MCC: variants seen among roughly 807,000 people sequenced by gnomAD.
MCC encodes colorectal mutant cancer protein.
MCC carries 90 observed loss-of-function variants against 116.2 expected under a neutral mutation model. The ratio of observed to expected loss-of-function variants is 0.77; its 90% confidence interval spans 0.65 to 0.92. The LOEUF (loss-of-function observed/expected upper bound fraction) is 0.92. MCC is among the 40% of genes least tolerant of loss of function. The pLI, the probability that MCC is intolerant of heterozygous loss-of-function variation, is 0.00. For missense variants in MCC, 1,516 were observed against 1,312.2 expected, an observed-to-expected ratio of 1.16 and a Z score of -2.40; for synonymous variants, 578 against 510.5, an observed-to-expected ratio of 1.13 and a Z score of -1.78.
chr5:113,231,452 A>G (rs1007258046), intron 3 of MCC, among the ~76,000 whole-genome samples: 2 of 152,194 alleles, frequency 1.3e-5, no homozygotes, highest in African/African-American at 4.8e-5. Flanking sequence ...CCAAGTTACA[A>G]TGAAAGAGAC....
intron 3 of MCC, among the ~76,000 whole-genome samples, chr5:113,173,857 A>T (rs1236066366): frequency 6.6e-6 from 1 of 152,202 alleles, no homozygotes; most frequent in Non-Finnish European, 1.5e-5. Context: ...CCCTGAATGC[A>T]CTTGGTGTGT....
chr5:113,191,422 T>C (rs113019785), intron 3 of MCC, among the ~76,000 whole-genome samples: 1 of 152,164 alleles, frequency 6.6e-6, no homozygotes, highest in Admixed American at 6.5e-5. Context: ...GTGGGGAAAC[T>C]GGCCCTGGAG....
At chr5:113,476,009 T>C (rs1274373241) in intron 1 of MCC, among the ~76,000 whole-genome samples, 1 of 152,204 alleles carries the variant, frequency 6.6e-6, no homozygotes, top group Non-Finnish European at 1.5e-5. Flanking sequence ...ATTATTACTT[T>C]AGACTTCCAC....
intron 11 of MCC, among the ~76,000 whole-genome samples, chr5:113,076,595 C>T (rs1391032550): frequency 1.3e-5 from 2 of 152,190 alleles, no homozygotes; most frequent in African/African-American, 2.4e-5. Flanking sequence ...AAATCCTTTA[C>T]AGACGAACAA....
chr5:113,043,846 C>T (rs976534697), intron 16 of MCC, among the ~76,000 whole-genome samples: 5 of 152,366 alleles, frequency 3.3e-5, no homozygotes, highest in East Asian at 1.9e-4. Context: ...CTGGCCAGTG[C>T]GGTGGGGATG....
chr5:113,232,214 G>T (rs992157585), intron 3 of MCC, among the ~76,000 whole-genome samples: 1 of 152,170 alleles, frequency 6.6e-6, no homozygotes, highest in Non-Finnish European at 1.5e-5. Context: ...CATCCACAGT[G>T]AAGTAGGAAA....
intron 1 of MCC, among the ~76,000 whole-genome samples, chr5:113,399,490 A>C (rs1039966151): frequency 1.3e-5 from 2 of 152,146 alleles, no homozygotes; most frequent in Non-Finnish European, 2.9e-5. Context: ...GTCTCAAAAA[A>C]ATAAATAAAT....
At chr5:113,049,345 G>A in intron 15 of MCC, 46 bp from the exon 16 acceptor site, 1 of 1,476,488 alleles carries the variant, frequency 6.8e-7, no homozygotes, top group Non-Finnish European at 9.1e-7. Context: ...CCCTATCTGA[G>A]AGCAGGCCTG....
chr5:113,252,403 G>C (rs1764836942), intron 3 of MCC, among the ~76,000 whole-genome samples: 1 of 152,116 alleles, frequency 6.6e-6, no homozygotes, highest in African/African-American at 2.4e-5. Flanking sequence ...ATCTTCATTA[G>C]AGCATGAACT....
In MCC at chr5:113,434,002, G is replaced by T. The variant is rs201452729; in HGVS notation, c.171-48790C>A. 15 of 1,614,050 alleles carry T rather than the reference G, an allele frequency of 9.3e-6. No individual in the cohort carries two copies. In the East Asian group the frequency reaches 3.3e-4, roughly 36 times the overall value. ...CCCTCCTTGTTGATGGCCACAGAGG[G>T]AGATCCCCGTGCCTTGGGCTGCATC... On this transcript the variant is annotated intron_variant, in intron 1 of 18. Transcript: ENST00000408903. The surrounding 1 kb of genome is among the most constrained non-coding windows in gnomAD (Gnocchi z 4.2).
At chr5:113,420,094 T>C (rs1057049467) in intron 1 of MCC, among the ~76,000 whole-genome samples, 2 of 132,742 alleles carry the variant, frequency 1.5e-5, no homozygotes, top group Non-Finnish European at 3.1e-5. Flanking sequence ...GAATTATATC[T>C]CAATTGAAAT....
At chr5:113,445,334 A>C (rs547001395) in intron 1 of MCC, among the ~76,000 whole-genome samples, 2 of 152,168 alleles carry the variant, frequency 1.3e-5, no homozygotes, top group East Asian at 3.8e-4. Context: ...AATTCTATAC[A>C]TAAAGAATCC....
intron 11 of MCC, among the ~76,000 whole-genome samples, chr5:113,076,121 A>G (rs1754437309): frequency 6.6e-6 from 1 of 152,194 alleles, no homozygotes; most frequent in South Asian, 2.1e-4. Context: ...TGAAGTCAGC[A>G]AGACCAAGAA....
At chr5:113,441,927 C>T (rs763038898) in intron 1 of MCC, among the ~76,000 whole-genome samples, 7 of 152,178 alleles carry the variant, frequency 4.6e-5, no homozygotes, top group Non-Finnish European at 7.3e-5. Flanking sequence ...CAAGTCTCTG[C>T]TATGGTGAAT....
chr5:113,228,666 G>A (rs1426383368), intron 3 of MCC, among the ~76,000 whole-genome samples: 1 of 152,162 alleles, frequency 6.6e-6, no homozygotes, highest in African/African-American at 2.4e-5. Flanking sequence ...GAGAAAAGGG[G>A]TTTTGAGCAG....
chr5:113,477,851 A>G (rs1440350789), intron 1 of MCC, among the ~76,000 whole-genome samples: 1 of 152,192 alleles, frequency 6.6e-6, no homozygotes, highest in East Asian at 1.9e-4. Context: ...CAATACAGAA[A>G]CCAGTACCGA....
At chr5:113,459,906 A>T (rs1400305683) in intron 1 of MCC, among the ~76,000 whole-genome samples, 1 of 151,792 alleles carries the variant, frequency 6.6e-6, no homozygotes, top group Non-Finnish European at 1.5e-5. Flanking sequence ...GTGGATATTT[A>T]GATAGATATT....
intron 5 of MCC, among the ~76,000 whole-genome samples, chr5:113,136,390 C>T (rs1758828623): frequency 6.6e-6 from 1 of 152,086 alleles, no homozygotes; most frequent in Non-Finnish European, 1.5e-5. Flanking sequence ...CTCATGGGTG[C>T]AAGACATCTT....
chr5:113,374,865 G>T (rs912975773), intron 2 of MCC, among the ~76,000 whole-genome samples: 3 of 151,820 alleles, frequency 2.0e-5, no homozygotes, highest in Non-Finnish European at 1.5e-5. Context: ...GGTGGTGCAC[G>T]CCTGTGGTCT....
Sources: allele counts gnomAD v4.1 joint callset (sites outside exome capture counted in the v4.1 genomes callset), GRCh38; gene constraint gnomAD v4.1.1; non-coding constraint Gnocchi (gnomAD v3.1); transcripts MANE v1.5; gene names NCBI Gene and HGNC (gene_info 2026-07-23, HGNC 2026-07-21).